EDAR: variants seen among roughly 807,000 people sequenced by gnomAD.
The protein encoded by EDAR is tumor necrosis factor receptor superfamily member EDAR.
In EDAR, 38 loss-of-function variants were observed where a neutral mutation model predicts 51.3. The ratio of observed to expected loss-of-function variants is 0.74; its 90% CI spans 0.57 to 0.97. The LOEUF is 0.97. Ranked by LOEUF, EDAR falls within the 50% of genes least tolerant of loss-of-function variation. The probability of loss-of-function intolerance (pLI) is 0.00; values close to 1 mark genes in which losing one functional copy is unlikely to be tolerated. For synonymous variants in EDAR, 227 were observed against 242.1 expected (o/e 0.94, Z 0.58); for missense variants, 528 against 595.0 (o/e 0.89, Z 1.17).
At chr2:108,950,266 T>C (rs1697799384) in intron 1 of EDAR, among the ~76,000 whole-genome samples, 1 of 146,362 alleles carries the variant, frequency 6.8e-6, no homozygotes, top group Non-Finnish European at 1.5e-5. Context: ...ATTCCTTTTC[T>C]TTTTCTTTCT....
Position 108,975,577 on chromosome 2 carries a change from C to G in EDAR, c.-19+13383G>C, listed in dbSNP as rs562109592. ...ACTGTAGGCTCAGCTCATTCCTACC[C>G]CAGCACTGGAAGCAGGGCAGCAGCT... On this transcript the variant is annotated intron_variant, in intron 1 of 11. Transcript: ENST00000258443. 2.0e-4 allele frequency among the ~76,000 whole-genome samples: 30 copies of G among 152,282 alleles called. 1 individual carries two copies. The South Asian group carries it at 4.1e-3, about 21-fold the overall frequency.
chr2:108,957,093 G>A (rs1240611325), intron 1 of EDAR, among the ~76,000 whole-genome samples: 3 of 152,176 alleles, frequency 2.0e-5, no homozygotes, highest in Admixed American at 2.0e-4. Context: ...CCCAGCCAAG[G>A]CAAAGGCTGT....
intron 1 of EDAR, among the ~76,000 whole-genome samples, chr2:108,937,370 G>A (rs145783347): frequency 2.0e-5 from 3 of 152,292 alleles, no homozygotes; most frequent in South Asian, 2.1e-4. Flanking sequence ...ACATATGGGT[G>A]TGAGTGTGTG....
intron 1 of EDAR, among the ~76,000 whole-genome samples, chr2:108,957,484 A>G (rs1432958402): frequency 6.6e-6 from 1 of 152,170 alleles, no homozygotes; most frequent in Non-Finnish European, 1.5e-5. Context: ...GGGCTCATGG[A>G]GGCCCCCCAG....
At chr2:108,898,038 GC>G (rs2105373397) in intron 11 of EDAR, among the ~76,000 whole-genome samples, 1 of 152,252 alleles carries the variant, frequency 6.6e-6, no homozygotes, top group African/African-American at 2.4e-5. Context: ...GACAAAAACA[GC>G]CCCAACAAAA....
At chr2:108,979,149 A>C (rs971318874) in intron 1 of EDAR, among the ~76,000 whole-genome samples, 7 of 152,110 alleles carry the variant, frequency 4.6e-5, no homozygotes, top group Admixed American at 1.3e-4. Flanking sequence ...CCCTCCTCTC[A>C]CTGTGTTTCT....
chr2:108,918,786 A>G (rs1030558430), intron 5 of EDAR, among the ~76,000 whole-genome samples: 1 of 152,156 alleles, frequency 6.6e-6, no homozygotes, highest in Non-Finnish European at 1.5e-5. Context: ...CACACAATTT[A>G]GAATCTCACC....
chr2:108,971,900 C>A (rs11694335), intron 1 of EDAR, among the ~76,000 whole-genome samples: 3 of 152,186 alleles, frequency 2.0e-5, no homozygotes, highest in Non-Finnish European at 4.4e-5. Flanking sequence ...ACCAAAGGCA[C>A]TGAGCTTCCT....
At chr2:108,936,927 C>G (rs1697481046) in intron 1 of EDAR, among the ~76,000 whole-genome samples, 1 of 152,224 alleles carries the variant, frequency 6.6e-6, no homozygotes, top group African/African-American at 2.4e-5. Flanking sequence ...TCAGTGATTT[C>G]TGACCCATTT....
chr2:108,978,845 C>T (rs1698375085), intron 1 of EDAR, among the ~76,000 whole-genome samples: 1 of 152,162 alleles, frequency 6.6e-6, no homozygotes, highest in Non-Finnish European at 1.5e-5. Context: ...AGCTGCAAAT[C>T]TGGTTAAATT....
chr2:108,911,071 T>A lies in EDAR; in HGVS notation c.531A>T (p.Glu177Asp). Residue 177 changes from glutamate (E) to aspartate (D), a missense_variant and splice_region_variant, in exon 7 of 12, where the codon GAA (glutamate) becomes GAT (aspartate). Glu to Asp is a conservative substitution (Grantham distance 45). Coordinates refer to ENST00000258443, the MANE Select transcript of EDAR (RefSeq NM_022336.4). The stretch of plus-strand genomic sequence containing the variant: ...TGGCCAGGTGTCCTTGGCCTGAGAG[T>A]TCTGTGGGTGGAGAGAAGGCATGAA... ...TLSPFQHAHK[E>D]LSGQGHLATA... 6.2e-7 allele frequency: 1 copy of A among 1,613,648 alleles called. No homozygotes were observed. Among genetic ancestry groups the A allele is most frequent in the African/African-American group, 1.3e-5 (1 of 74,848 alleles).
At chr2:108,946,948 T>G (rs1330517073) in intron 1 of EDAR, among the ~76,000 whole-genome samples, 2 of 152,090 alleles carry the variant, frequency 1.3e-5, no homozygotes, top group African/African-American at 4.8e-5. Context: ...TCTCCCAAAG[T>G]CTTACTGACT....
At chr2:108,971,358 C>T (rs374622116) in intron 1 of EDAR, among the ~76,000 whole-genome samples, 2 of 152,186 alleles carry the variant, frequency 1.3e-5, no homozygotes, top group East Asian at 3.9e-4. Context: ...AGGCCGCACC[C>T]GAGACCTCCA....
intron 8 of EDAR, 51 bp downstream of exon 8, chr2:108,910,725 C>T (rs994080945): frequency 1.2e-6 from 2 of 1,602,842 alleles, no homozygotes; most frequent in Non-Finnish European, 8.5e-7. Flanking sequence ...ACGCCCTCCA[C>T]CCAGAGATGG....
intron 1 of EDAR, among the ~76,000 whole-genome samples, chr2:108,972,833 A>G (rs975891864): frequency 1.3e-5 from 2 of 152,208 alleles, no homozygotes; most frequent in East Asian, 1.9e-4. Flanking sequence ...AACCTCCCCA[A>G]CCTTGGCTAG....
intron 10 of EDAR, among the ~76,000 whole-genome samples, chr2:108,907,630 A>G (rs1475004211): frequency 2.7e-5 from 4 of 150,004 alleles, no homozygotes; most frequent in African/African-American, 9.9e-5. Context: ...GCTGGGTGAC[A>G]GAGCAAGACT....
At chr2:108,959,495 T>C (rs1307706170) in intron 1 of EDAR, among the ~76,000 whole-genome samples, 3 of 152,230 alleles carry the variant, frequency 2.0e-5, no homozygotes, top group Non-Finnish European at 4.4e-5. Context: ...TTCAATGCTT[T>C]GTTTCTCTGT....
chr2:108,907,138 A>C (rs959955743), intron 10 of EDAR, among the ~76,000 whole-genome samples: 1 of 152,056 alleles, frequency 6.6e-6, no homozygotes, highest in Admixed American at 6.5e-5. Flanking sequence ...AGGTGATAAA[A>C]CCCTGGGGAC....
At chr2:108,969,134 G>A (rs928056968) in intron 1 of EDAR, among the ~76,000 whole-genome samples, 3 of 152,134 alleles carry the variant, frequency 2.0e-5, no homozygotes, top group Admixed American at 6.5e-5. Context: ...GATTCAACAA[G>A]GGTGATGAAG....
Sources: gnomAD v4.1 joint callset for allele counts (sites outside exome capture counted in the v4.1 genomes callset) on GRCh38, gnomAD v4.1.1 for gene constraint, MANE v1.5 for transcripts, NCBI Gene and HGNC (gene_info 2026-07-23, HGNC 2026-07-21) for gene names.